Variants in NKAIN3 observed in about 807,000 individuals in gnomAD.
NKAIN3 encodes the protein sodium/potassium transporting ATPase interacting 3.
A neutral mutation model predicts 30.2 loss-of-function variants in NKAIN3; 25 were observed. That is an observed-to-expected ratio of 0.83 (90% CI 0.60 to 1.16). NKAIN3 has a LOEUF of 1.16. Among genes scored for constraint, NKAIN3 ranks in the 50% most tolerant of loss-of-function variants. The pLI is 0.00. For missense variants in NKAIN3, 225 were observed against 254.1 expected (o/e 0.89, Z 0.78); for synonymous variants, 91 against 89.6 (o/e 1.02, Z -0.09).
intron 4 of NKAIN3, among the ~76,000 whole-genome samples, chr8:62,803,490 T>G (rs185961670): frequency 2.8e-3 from 429 of 152,102 alleles, no homozygotes; most frequent in Non-Finnish European, 5.0e-3. Flanking sequence ...ACATGGAAAC[T>G]GAAAAACCTG....
At chr8:62,426,938 A>T (rs1804825569) in intron 1 of NKAIN3, among the ~76,000 whole-genome samples, 1 of 152,034 alleles carries the variant, frequency 6.6e-6, no homozygotes, top group African/African-American at 2.4e-5. Flanking sequence ...GGGTAATATC[A>T]CACTGGATCC....
intron 1 of NKAIN3, among the ~76,000 whole-genome samples, chr8:62,539,132 G>A (rs1376569042): frequency 2.0e-5 from 3 of 152,150 alleles, no homozygotes; most frequent in African/African-American, 4.8e-5. Context: ...GTCCTGAAAC[G>A]TGTTTATCAT....
intron 1 of NKAIN3, among the ~76,000 whole-genome samples, chr8:62,335,378 A>T (rs898348893): frequency 6.7e-6 from 1 of 148,762 alleles, no homozygotes; most frequent in Non-Finnish European, 1.5e-5. Context: ...GTGAGCCAAG[A>T]TCATTGTGCC....
chr8:62,252,555 C>A (rs13262465), intron 1 of NKAIN3, among the ~76,000 whole-genome samples: 1 of 151,938 alleles, frequency 6.6e-6, no homozygotes, highest in Non-Finnish European at 1.5e-5. Context: ...AGTTTTTCTC[C>A]AGGCTTCTGC....
At chr8:62,571,294 C>G (rs185722442) in intron 1 of NKAIN3, among the ~76,000 whole-genome samples, 2 of 152,228 alleles carry the variant, frequency 1.3e-5, no homozygotes, top group East Asian at 1.9e-4. Flanking sequence ...AGCCACCATG[C>G]CTGGCTAATT....
intron 1 of NKAIN3, among the ~76,000 whole-genome samples, chr8:62,524,469 A>G (rs1281571683): frequency 6.6e-6 from 1 of 152,146 alleles, no homozygotes; most frequent in African/African-American, 2.4e-5. Context: ...CAGACCCTGA[A>G]GGAACACATT....
At chr8:62,404,945 G>C (rs868167097) in intron 1 of NKAIN3, among the ~76,000 whole-genome samples, 33 of 152,020 alleles carry the variant, frequency 2.2e-4, no homozygotes, top group African/African-American at 7.7e-4. Context: ...GATTATTCAG[G>C]GCCCAAGGAC....
chr8:62,509,985 G>T (rs1030733514), intron 1 of NKAIN3, among the ~76,000 whole-genome samples: 2 of 152,168 alleles, frequency 1.3e-5, no homozygotes, highest in Admixed American at 1.3e-4. Context: ...AGGATTGACA[G>T]ATAATGGTAT....
intron 3 of NKAIN3, among the ~76,000 whole-genome samples, chr8:62,666,757 T>A (rs1217564978): frequency 1.3e-5 from 2 of 152,158 alleles, no homozygotes; most frequent in African/African-American, 4.8e-5. Context: ...CAAATAGAAC[T>A]TTAATGCTAC....
intron 3 of NKAIN3, among the ~76,000 whole-genome samples, chr8:62,725,887 T>C (rs1000514438): frequency 6.6e-6 from 1 of 152,122 alleles, no homozygotes; most frequent in Non-Finnish European, 1.5e-5. Context: ...AAGAATGTCA[T>C]TGATATTTAA....
chr8:62,876,147 T>A (rs1442699211), intron 4 of NKAIN3, among the ~76,000 whole-genome samples: 1 of 151,934 alleles, frequency 6.6e-6, no homozygotes, highest in Non-Finnish European at 1.5e-5. Context: ...AACAACCCCA[T>A]CAAAAAGCGG....
chr8:62,902,919 T>C (rs1403983706), intron 4 of NKAIN3, among the ~76,000 whole-genome samples: 2 of 152,242 alleles, frequency 1.3e-5, no homozygotes, highest in Non-Finnish European at 2.9e-5. Flanking sequence ...TGCATTATCT[T>C]AGAACAAGGT....
chr8:62,789,679 A>G (rs969076124), intron 4 of NKAIN3, among the ~76,000 whole-genome samples: 3 of 152,136 alleles, frequency 2.0e-5, no homozygotes, highest in Non-Finnish European at 2.9e-5. Context: ...GAATACTACA[A>G]ACACCTCTAC....
intron 1 of NKAIN3, among the ~76,000 whole-genome samples, chr8:62,389,409 CA>C (rs1449013757): frequency 6.6e-6 from 1 of 152,024 alleles, no homozygotes; most frequent in African/African-American, 2.4e-5. Flanking sequence ...TGCTGGAAGA[CA>C]TGACTTTTAT....
intron 1 of NKAIN3, among the ~76,000 whole-genome samples, chr8:62,442,873 T>C (rs1050497319): frequency 6.6e-6 from 1 of 151,980 alleles, no homozygotes; most frequent in East Asian, 1.9e-4. Flanking sequence ...GATACAAATA[T>C]GTCCATTTTT....
At chr8:62,378,907 G>T (rs1178831058) in intron 1 of NKAIN3, among the ~76,000 whole-genome samples, 1 of 152,156 alleles carries the variant, frequency 6.6e-6, no homozygotes, top group Admixed American at 6.5e-5. Flanking sequence ...ATCCTCCAGA[G>T]CCCAGAATGG....
intron 4 of NKAIN3, among the ~76,000 whole-genome samples, chr8:62,827,775 T>C (rs1027147368): frequency 6.6e-6 from 1 of 152,182 alleles, no homozygotes; most frequent in African/African-American, 2.4e-5. Context: ...CCATTGGCAA[T>C]ACAATTTCTA....
chr8:62,286,335 A>G (rs2129398644), intron 1 of NKAIN3, among the ~76,000 whole-genome samples: 1 of 152,284 alleles, frequency 6.6e-6, no homozygotes, highest in African/African-American at 2.4e-5. Context: ...GTGGTGAAAT[A>G]TAGTGGTTAG....
chr8:62,315,263 G>A (rs951511304), intron 1 of NKAIN3, among the ~76,000 whole-genome samples: 6 of 152,146 alleles, frequency 3.9e-5, no homozygotes, highest in Admixed American at 3.9e-4. Context: ...ACTTTCCAGA[G>A]TTCAACTACA....
Sources: gnomAD v4.1 joint callset for allele counts (sites outside exome capture counted in the v4.1 genomes callset) on GRCh38, gnomAD v4.1.1 for gene constraint, MANE v1.5 for transcripts, NCBI Gene and HGNC (gene_info 2026-07-23, HGNC 2026-07-21) for gene names.